The following GALNT13 variants were observed in gnomAD, a reference collection of about 807,000 sequenced individuals.
GALNT13 encodes the protein UDP-GalNAc:polypeptide N-acetylgalactosaminyltransferase 13.
A neutral mutation model predicts 64.2 loss-of-function variants in GALNT13; 28 were observed. That is an observed-to-expected ratio of 0.44 (90% confidence interval 0.32 to 0.60). The LOEUF (loss-of-function observed/expected upper bound fraction) is 0.60. Among genes scored for constraint, GALNT13 ranks in the 20% least tolerant of loss-of-function variants. The pLI, the probability that GALNT13 is intolerant of heterozygous loss-of-function variation, is 0.05. For missense variants in GALNT13, 577 were observed against 669.8 expected, an observed-to-expected ratio of 0.86 and a Z score of 1.53; for synonymous variants, 214 against 224.6, an observed-to-expected ratio of 0.95 and a Z score of 0.42.
At chr2:154,143,014 TGTA>T (rs1683353322) in intron 4 of GALNT13, among the ~76,000 whole-genome samples, 1 of 152,160 alleles carries the variant, frequency 6.6e-6, no homozygotes, top group Non-Finnish European at 1.5e-5. Flanking sequence ...TGTAGTATGC[TGTA>T]GTGCAATGGT....
intron 4 of GALNT13, among the ~76,000 whole-genome samples, chr2:154,152,650 A>G (rs1284568506): frequency 1.3e-5 from 2 of 151,886 alleles, no homozygotes; most frequent in Admixed American, 6.6e-5. Context: ...TTTTTTCTCT[A>G]AACTTCCCCT....
At chr2:153,268,436 G>A in the GALNT13 span, among the ~76,000 whole-genome samples, 1 of 152,226 alleles carries the variant, frequency 6.6e-6, no homozygotes, top group East Asian at 1.9e-4. Flanking sequence ...CTGCCCCTGT[G>A]GCTTTGCAGG....
chr2:153,472,231 A>C, the GALNT13 span, among the ~76,000 whole-genome samples: 3 of 151,970 alleles, frequency 2.0e-5, no homozygotes, highest in Non-Finnish European at 4.4e-5. Flanking sequence ...GCATAATGAA[A>C]GAGGAATTGG....
chr2:153,191,732 A>G, the GALNT13 span, among the ~76,000 whole-genome samples: 2 of 151,516 alleles, frequency 1.3e-5, no homozygotes, highest in East Asian at 3.9e-4. Flanking sequence ...AACCGATTCA[A>G]TGTTGTTACT....
At chr2:153,182,800 G>T in the GALNT13 span, among the ~76,000 whole-genome samples, 1 of 152,154 alleles carries the variant, frequency 6.6e-6, no homozygotes, top group African/African-American at 2.4e-5. Flanking sequence ...TCTTGTTCAT[G>T]TTTATGGCTG....
At chr2:153,384,273 A>G in the GALNT13 span, among the ~76,000 whole-genome samples, 1 of 152,102 alleles carries the variant, frequency 6.6e-6, no homozygotes, top group Non-Finnish European at 1.5e-5. Context: ...CCATGAGCAA[A>G]TGAAATCTGA....
chr2:153,414,456 G>A, the GALNT13 span, among the ~76,000 whole-genome samples: 4 of 149,664 alleles, frequency 2.7e-5, no homozygotes, highest in East Asian at 2.0e-4. Flanking sequence ...GAGCATCTGC[G>A]TTAGAAACAC....
chr2:153,975,722 C>G (rs148660015), intron 3 of GALNT13, among the ~76,000 whole-genome samples: 72 of 152,154 alleles, frequency 4.7e-4, no homozygotes, highest in African/African-American at 1.6e-3. Flanking sequence ...TTCAGTTACA[C>G]AGGATAAGTG....
chr2:153,854,909 T>A, the GALNT13 span, among the ~76,000 whole-genome samples: 10 of 152,156 alleles, frequency 6.6e-5, no homozygotes, highest in African/African-American at 2.2e-4. Context: ...AAAAACATTA[T>A]CATTCTACAT....
At chr2:153,304,444 G>A in the GALNT13 span, among the ~76,000 whole-genome samples, 1 of 152,100 alleles carries the variant, frequency 6.6e-6, no homozygotes, top group Non-Finnish European at 1.5e-5. Context: ...GAAGGAAGAA[G>A]TTACTCAAGT....
chr2:153,452,103 T>A, the GALNT13 span, among the ~76,000 whole-genome samples: 1 of 152,192 alleles, frequency 6.6e-6, no homozygotes, highest in Admixed American at 6.5e-5. Context: ...CATGAGAATT[T>A]TATAACTTAG....
the GALNT13 span, among the ~76,000 whole-genome samples, chr2:153,554,654 A>ATGTGTG: frequency 1.5e-5 from 2 of 131,670 alleles, no homozygotes; most frequent in African/African-American, 5.9e-5. Flanking sequence ...GGGATGCTGT[A>ATGTGTG]TATGTGTGTG....
At chr2:153,825,592 A>G in the GALNT13 span, among the ~76,000 whole-genome samples, 1 of 106,366 alleles carries the variant, frequency 9.4e-6, no homozygotes, top group Non-Finnish European at 2.0e-5. Context: ...AGTATCTGTG[A>G]CTCTTTCCAT....
At chr2:153,423,432 A>G in the GALNT13 span, 1 of 151,968 alleles carries the variant, frequency 6.6e-6, no homozygotes, top group Non-Finnish European at 1.5e-5. Context: ...TGTTAAAAAC[A>G]TGCCTTTAAA....
chr2:153,380,370 G>A, the GALNT13 span, among the ~76,000 whole-genome samples: 1 of 152,104 alleles, frequency 6.6e-6, no homozygotes, highest in Non-Finnish European at 1.5e-5. Flanking sequence ...CTGTTCAGGA[G>A]GTTGAGGCAG....
upstream of GALNT13, among the ~76,000 whole-genome samples, chr2:153,871,757 C>G (rs1264487105): frequency 6.6e-6 from 1 of 152,026 alleles, no homozygotes; most frequent in Admixed American, 6.5e-5. Flanking sequence ...CGGGGAGGAG[C>G]GGGAGCAGGG....
At chr2:153,559,381 T>C in the GALNT13 span, among the ~76,000 whole-genome samples, 1 of 152,110 alleles carries the variant, frequency 6.6e-6, no homozygotes, top group Admixed American at 6.5e-5. Flanking sequence ...TTGAAGAAAT[T>C]GAATCTTGTA....
chr2:154,373,195 G>A (rs1003173215), intron 9 of GALNT13, among the ~76,000 whole-genome samples: 2 of 152,072 alleles, frequency 1.3e-5, no homozygotes, highest in African/African-American at 4.8e-5. Context: ...TATTCCAGAT[G>A]CTAAGATTAA....
intron 9 of GALNT13, among the ~76,000 whole-genome samples, chr2:154,328,719 A>G (rs771007829): frequency 1.5e-4 from 23 of 152,122 alleles, no homozygotes; most frequent in Non-Finnish European, 3.1e-4. Flanking sequence ...GATAATGCCC[A>G]GTGTTTTTCT....
Sources: allele counts gnomAD v4.1 joint callset (sites outside exome capture counted in the v4.1 genomes callset), GRCh38; gene constraint gnomAD v4.1.1; transcripts MANE v1.5; gene names NCBI Gene and HGNC (gene_info 2026-07-23, HGNC 2026-07-21).